Variants in RAB11FIP2 observed in about 807,000 individuals in gnomAD.
RAB11FIP2 encodes the protein rab11 family-interacting protein 2.
In RAB11FIP2, 16 loss-of-function variants were observed where a neutral mutation model predicts 40.9. The ratio of observed to expected loss-of-function variants is 0.39; its 90% CI spans 0.26 to 0.59. RAB11FIP2 has a LOEUF of 0.59. Among genes scored for constraint, RAB11FIP2 ranks in the 20% least tolerant of loss-of-function variants. The pLI, the probability that RAB11FIP2 is intolerant of heterozygous loss-of-function variation, is 0.53. For missense variants in RAB11FIP2, 532 were observed against 606.2 expected, an observed-to-expected ratio of 0.88 and a Z score of 1.28; for synonymous variants, 228 against 213.7, an observed-to-expected ratio of 1.07 and a Z score of -0.58.
intron 3 of RAB11FIP2, among the ~76,000 whole-genome samples, chr10:118,030,869 G>A (rs891282902): frequency 1.1e-4 from 17 of 152,206 alleles, no homozygotes; most frequent in Admixed American, 2.6e-4. Flanking sequence ...ATTATAATGA[G>A]TATTAGGATG....
intron 3 of RAB11FIP2, among the ~76,000 whole-genome samples, chr10:118,036,838 A>G (rs1846487153): frequency 6.6e-6 from 1 of 152,110 alleles, no homozygotes; most frequent in Non-Finnish European, 1.5e-5. Context: ...CAATAATAAT[A>G]AAGTAACTGA....
intron 3 of RAB11FIP2, among the ~76,000 whole-genome samples, chr10:118,021,250 GAAT>G (rs1490645360): frequency 6.6e-6 from 1 of 152,166 alleles, no homozygotes; most frequent in African/African-American, 2.4e-5. Flanking sequence ...ACTTGGATTT[GAAT>G]AATACCACCT....
At chr10:118,043,902 T>C (rs1233894713) in intron 1 of RAB11FIP2, among the ~76,000 whole-genome samples, 1 of 152,144 alleles carries the variant, frequency 6.6e-6, no homozygotes, top group Non-Finnish European at 1.5e-5. Context: ...AAACTAGAAA[T>C]ATTACCAATA....
At chr10:118,012,075 A>C (rs2133161608) in intron 4 of RAB11FIP2, among the ~76,000 whole-genome samples, 1 of 152,150 alleles carries the variant, frequency 6.6e-6, no homozygotes, top group African/African-American at 2.4e-5. Context: ...AAGATGAAAA[A>C]CGTTTCAAAA....
At chr10:118,022,504 C>G (rs948835656) in intron 3 of RAB11FIP2, among the ~76,000 whole-genome samples, 1 of 152,134 alleles carries the variant, frequency 6.6e-6, no homozygotes, top group Non-Finnish European at 1.5e-5. Flanking sequence ...GACTTATTGC[C>G]CATCCCCTAA....
Position 118,007,885 on chromosome 10 carries a change from G to C in RAB11FIP2, c.*1113C>G, listed in dbSNP as rs535286947. 6.6e-6 allele frequency: 1 copy of C among 152,544 alleles called. No homozygotes were observed. Among genetic ancestry groups the C allele is most frequent in the East Asian group, 1.9e-4 (1 of 5,182 alleles). The allele number at this position is 152,544 out of a possible 1,614,324, so 9.4% of individuals were successfully genotyped here. A position where few individuals can be genotyped will look rare whatever the true frequency, so the allele number is the denominator to read the frequency against. On this transcript the variant is annotated 3_prime_UTR_variant, in exon 5 of 5. Transcript: ENST00000355624. ...CTTCTAAAAACTCACTCTTCCTTTAGTAAGTCTTATTTTGGTTCAAGACCC... is the reference window on the plus strand; with the variant it reads ...CTTCTAAAAACTCACTCTTCCTTTACTAAGTCTTATTTTGGTTCAAGACCC...
At chr10:118,025,500 T>C (rs974898220) in intron 3 of RAB11FIP2, among the ~76,000 whole-genome samples, 2 of 152,242 alleles carry the variant, frequency 1.3e-5, no homozygotes, top group African/African-American at 4.8e-5. Flanking sequence ...GCAGTTTTTC[T>C]GAGTTCATGT....
Position 118,039,111 on chromosome 10 carries a change from T to G in RAB11FIP2, c.1126A>C (p.Asn376His), listed in dbSNP as rs772380435. The change falls in exon 3 of 5, where the codon AAC becomes CAC. Residue 376 changes from asparagine to histidine, a missense_variant. By Grantham distance (68) the Asn-to-His change is moderately conservative. Transcript: ENST00000355624. ...KKDSRRSDKLNNGGSDSPCDL... is the reference protein window; with the variant it reads ...KKDSRRSDKLHNGGSDSPCDL... ...CAAGGGCTATCAGATCCCCCATTGT[T>G]AAGTTTATCAGATCTTCTGCTATCT... is the stretch of plus-strand genomic sequence containing the variant. 2.5e-6 allele frequency: 4 copies of G among 1,613,844 alleles called. No individual in the cohort carries two copies. In the South Asian group the frequency reaches 4.4e-5, roughly 18 times the overall value.
chr10:118,024,830 T>G (rs1344942273), intron 3 of RAB11FIP2, among the ~76,000 whole-genome samples: 1 of 152,132 alleles, frequency 6.6e-6, no homozygotes, highest in East Asian at 1.9e-4. Flanking sequence ...TTTGGAGAAG[T>G]CACGGTGTCC....
Position 118,007,013 on chromosome 10 carries a change from ATAT to A in RAB11FIP2, c.*1982_*1984del, listed in dbSNP as rs1050423706. On this transcript the variant is annotated 3_prime_UTR_variant, in exon 5 of 5. Transcript: ENST00000355624. ...TATAAACAGCAAATTTGGCCAAAGC[ATAT>A]TATTATAGTATCTGCAGATACTGTC... 6.6e-6 allele frequency: 1 copy of A among 152,436 alleles called. No individual in the cohort carries two copies. Among genetic ancestry groups the A allele is most frequent in the African/African-American group, 2.4e-5 (1 of 41,424 alleles). 9.4% of individuals were successfully genotyped at this position (152,436 alleles called of 1,614,324 possible). A position where few individuals can be genotyped will look rare whatever the true frequency, so the allele number is the denominator to read the frequency against.
chr10:118,038,495 A>G (rs888652598), intron 3 of RAB11FIP2, among the ~76,000 whole-genome samples: 3 of 152,150 alleles, frequency 2.0e-5, no homozygotes, highest in African/African-American at 7.2e-5. Flanking sequence ...CCACTTCTAA[A>G]TAGCCATTTA....
At chr10:118,009,274 A>T (rs1364536877) in intron 4 of RAB11FIP2, 49 bp from the exon 5 acceptor site, 12 of 1,478,220 alleles carry the variant, frequency 8.1e-6, no homozygotes, top group Non-Finnish European at 1.1e-5. Flanking sequence ...CATCTGGGAC[A>T]AACATTAAGA....
intron 3 of RAB11FIP2, among the ~76,000 whole-genome samples, chr10:118,034,982 G>A (rs1384297502): frequency 6.6e-6 from 1 of 152,148 alleles, no homozygotes; most frequent in Non-Finnish European, 1.5e-5. Context: ...CAGTGAGGCT[G>A]GGGCACGGGT....
At position 118,039,035 on chromosome 10, in the gene RAB11FIP2, T is replaced by G. The variant is rs1448633662; in HGVS notation, c.1202A>C (p.Asp401Ala). ...TGTAAATGGATTGGTTGACTCATAA[T>G]CAAAATAGTCCTGGCGATTTTCACT... is the stretch of plus-strand genomic sequence containing the variant. ...AFSENRQDYFDYESTNPFTAK... is the reference protein window; with the variant it reads ...AFSENRQDYFAYESTNPFTAK... The change falls in exon 3 of 5, where the codon GAT (aspartate) becomes GCT (alanine). Residue 401 changes from aspartate (D) to alanine (A), a missense_variant. By Grantham distance (126) the Asp-to-Ala change is moderately radical. Coordinates refer to ENST00000355624, the MANE Select transcript of RAB11FIP2 (RefSeq NM_014904.3). The G allele has an allele frequency of 6.2e-7, 1 of 1,611,968 alleles. No individual in the cohort carries two copies. The highest frequency in any genetic ancestry group is 8.5e-7 in the Non-Finnish European group (1 of 1,179,364).
At chr10:118,043,565 G>A (rs1485719351) in intron 1 of RAB11FIP2, 2 of 152,060 alleles carry the variant, frequency 1.3e-5, no homozygotes, top group East Asian at 1.9e-4. Context: ...ATATTTTCAA[G>A]GTAAGAAAAT....
intron 3 of RAB11FIP2, among the ~76,000 whole-genome samples, chr10:118,022,748 T>C (rs1846296005): frequency 6.6e-6 from 1 of 152,166 alleles, no homozygotes; most frequent in Non-Finnish European, 1.5e-5. Context: ...CATATCTCAT[T>C]CCTCTTTTCA....
At chr10:118,016,220 T>G (rs1325750516) in intron 3 of RAB11FIP2, among the ~76,000 whole-genome samples, 1 of 152,206 alleles carries the variant, frequency 6.6e-6, no homozygotes, top group Non-Finnish European at 1.5e-5. Context: ...CAGAAGTGAT[T>G]GTTCGCCTTT....
At chr10:118,012,983 A>C (rs926552711) in intron 4 of RAB11FIP2, among the ~76,000 whole-genome samples, 2 of 152,146 alleles carry the variant, frequency 1.3e-5, no homozygotes, top group Non-Finnish European at 2.9e-5. Context: ...GAAGTTTTCT[A>C]ACCCAGAATT....
Position 118,008,021 on chromosome 10 carries a change from C to T in RAB11FIP2, c.*977G>A, listed in dbSNP as rs1272984590. On this transcript the variant is annotated 3_prime_UTR_variant, in exon 5 of 5. Transcript: ENST00000355624. ...ATCAGACACACCAGGCAATCACATA[C>T]TTCCCACAATTATTTTCAGATATAA... 1.3e-5 allele frequency: 2 copies of T among 152,496 alleles called. No individual in the cohort carries two copies. The highest frequency in any genetic ancestry group is 1.5e-5 in the Non-Finnish European group (1 of 67,982). The allele number at this position is 152,496 out of a possible 1,614,324, so 9.4% of individuals were successfully genotyped here. A position where few individuals can be genotyped will look rare whatever the true frequency, so the allele number is the denominator to read the frequency against.
Sources: allele counts gnomAD v4.1 joint callset (sites outside exome capture counted in the v4.1 genomes callset), GRCh38; gene constraint gnomAD v4.1.1; transcripts MANE v1.5; gene names NCBI Gene and HGNC (gene_info 2026-07-23, HGNC 2026-07-21).